DCAF4L1: variants seen among roughly 807,000 people sequenced by gnomAD.
DCAF4L1 encodes the protein DDB1 and CUL4 associated factor 4 like 1, also known as DDB1- and CUL4-associated factor 4-like protein 1.
DCAF4L1 carries 4 observed loss-of-function variants against 28.2 expected under a neutral mutation model. That is an observed-to-expected ratio of 0.14 (90% confidence interval 0.07 to 0.33). The LOEUF (loss-of-function observed/expected upper bound fraction) is 0.33. Among genes scored for constraint, DCAF4L1 ranks in the 10% least tolerant of loss-of-function variants. DCAF4L1 has a pLI of 1.00. For synonymous variants in DCAF4L1, 252 were observed against 212.1 expected, an observed-to-expected ratio of 1.19 and a Z score of -1.63; for missense variants, 331 against 506.1, an observed-to-expected ratio of 0.65 and a Z score of 3.32.
At position 41,983,445 on chromosome 4, in the gene DCAF4L1, GGA is replaced by G. The variant is rs1428281374; in HGVS notation, c.*466_*467del. On this transcript the variant is annotated 3_prime_UTR_variant, in exon 1 of 1. Coordinates refer to ENST00000333141, the MANE Select transcript of DCAF4L1 (RefSeq NM_001029955.4). ...GGAAGCCAGTGGGAGTGGAGACAAG[GGA>G]GAGGTAATTTCTCAGAGTCTCTACA... 1 of 168,074 alleles carries G rather than the reference GGA, an allele frequency of 5.9e-6. No individual in the cohort carries two copies. The highest frequency in any genetic ancestry group is 1.5e-5 in the Non-Finnish European group (1 of 68,962). 10.4% of individuals were successfully genotyped at this position (168,074 alleles called of 1,614,324 possible).
Position 41,983,079 on chromosome 4 carries a change from T to C in DCAF4L1, c.*96T>C, listed in dbSNP as rs1006890880. On this transcript the variant is annotated 3_prime_UTR_variant, in exon 1 of 1. Transcript: ENST00000333141. ...TGTGAGAGCATTTTAAGAGACGTGT[T>C]GTATATAGATCGCATCCATCCGGCT... 4 of 1,142,408 alleles carry C rather than the reference T, an allele frequency of 3.5e-6. No homozygotes were observed. In the Admixed American group the frequency reaches 8.1e-5, roughly 23 times the overall value. The allele number at this position is 1,142,408 out of a possible 1,614,324, so 70.8% of individuals were successfully genotyped here.
Position 41,983,034 on chromosome 4 carries a change from G to A in DCAF4L1, c.*51G>A, listed in dbSNP as rs1189660535. 3 of 1,486,914 alleles carry A rather than the reference G, an allele frequency of 2.0e-6. No homozygotes were observed. The highest frequency in any genetic ancestry group is 1.8e-6 in the Non-Finnish European group (2 of 1,094,384). The allele number at this position is 1,486,914 out of a possible 1,614,324, so 92.1% of individuals were successfully genotyped here. A position where few individuals can be genotyped will look rare whatever the true frequency, so the allele number is the denominator to read the frequency against. On this transcript the variant is annotated 3_prime_UTR_variant, in exon 1 of 1. Transcript: ENST00000333141. Reference sequence around the variant, plus strand: ...TGTGGATTTGACTTAAGGAAGTTAAGAGTATCTTATTACCGTTTCTGTGAG... The same window carrying A: ...TGTGGATTTGACTTAAGGAAGTTAAAAGTATCTTATTACCGTTTCTGTGAG...
Position 41,983,526 on chromosome 4 carries a change from A to T in DCAF4L1, c.*543A>T, listed in dbSNP as rs960992216. 2 of 167,544 alleles carry T rather than the reference A, an allele frequency of 1.2e-5. No homozygotes were observed. The highest frequency in any genetic ancestry group is 4.8e-5 in the African/African-American group (2 of 41,470). The allele number at this position is 167,544 out of a possible 1,614,324, so 10.4% of individuals were successfully genotyped here. The stretch of plus-strand genomic sequence containing the variant: ...ATTAAATTTGGCCTTCTCAAACTCA[A>T]TAGCAGATCTCTTAAGGTTCTCCTT... On this transcript the variant is annotated 3_prime_UTR_variant, in exon 1 of 1. Transcript: ENST00000333141.
Position 41,983,021 on chromosome 4 carries a change from T to C in DCAF4L1, c.*38T>C, listed in dbSNP as rs780150975. ...CAGCGCGGCCGAATGTGGATTTGAC[T>C]TAAGGAAGTTAAGAGTATCTTATTA... is the stretch of plus-strand genomic sequence containing the variant. On this transcript the variant is annotated 3_prime_UTR_variant, in exon 1 of 1. Transcript: ENST00000333141. The C allele has an allele frequency of 1.3e-6, 2 of 1,524,496 alleles. No homozygotes were observed. The highest frequency in any genetic ancestry group is 2.3e-5 in the East Asian group (1 of 44,362). 94.4% of individuals were successfully genotyped at this position (1,524,496 alleles called of 1,614,324 possible).
rs767429106 is a variant in DCAF4L1, at chr4:41,982,586, C to T, written c.794C>T (p.Thr265Ile). 1 of 1,614,236 alleles carries T rather than the reference C, an allele frequency of 6.2e-7. No homozygotes were observed. The highest frequency in any genetic ancestry group is 2.2e-5 in the East Asian group (1 of 44,892). The change falls in exon 1 of 1, where the codon ACT becomes ATT. Residue 265 changes from threonine to isoleucine, a missense_variant. Physicochemically the swap from Thr to Ile is moderately conservative, Grantham distance 89 (BLOSUM62 -1). Coordinates refer to ENST00000333141, the MANE Select transcript of DCAF4L1 (RefSeq NM_001029955.4). The surrounding 1 kb of genome is among the most constrained non-coding windows in gnomAD (Gnocchi z 4.4). ...AATCGAGGCAAGGGGTGGAGGGCCACTCGCCTGTTCCATGACTCAGCAGTG... is the reference window on the plus strand; with the variant it reads ...AATCGAGGCAAGGGGTGGAGGGCCATTCGCCTGTTCCATGACTCAGCAGTG... ...CRNRGKGWRA[T>I]RLFHDSAVTS...
chr4:41,983,090 C>G lies in DCAF4L1; in HGVS notation c.*107C>G. 1 of 950,190 alleles carries G rather than the reference C, an allele frequency of 1.1e-6. No homozygotes were observed. Among genetic ancestry groups the G allele is most frequent in the Non-Finnish European group, 1.6e-6 (1 of 638,538 alleles). The allele number at this position is 950,190 out of a possible 1,614,324, so 58.9% of individuals were successfully genotyped here. On this transcript the variant is annotated 3_prime_UTR_variant, in exon 1 of 1. Coordinates refer to ENST00000333141, the MANE Select transcript of DCAF4L1 (RefSeq NM_001029955.4). ...TTTAAGAGACGTGTTGTATATAGAT[C>G]GCATCCATCCGGCTGCCAGGGGTAA...
rs1714076268 is a variant in DCAF4L1 at position 41,984,088 on chromosome 4, G to A, written c.*1105G>A. ...AGGTAGAGTAGTACGTACCTCTGTA[G>A]AAAGAAAGGATTTTTTTTTCTTTTT... On this transcript the variant is annotated 3_prime_UTR_variant, in exon 1 of 1. Transcript: ENST00000333141. 6.2e-6 allele frequency: 1 copy of A among 162,430 alleles called. No homozygotes were observed. Among genetic ancestry groups the A allele is most frequent in the South Asian group, 2.1e-4 (1 of 4,802 alleles). 10.1% of individuals were successfully genotyped at this position (162,430 alleles called of 1,614,324 possible). A position where few individuals can be genotyped will look rare whatever the true frequency, so the allele number is the denominator to read the frequency against.
chr4:41,982,652 C>T lies in DCAF4L1; in HGVS notation c.860C>T (p.Ala287Val), dbSNP rs1714025255. ...CTCCAAGAAGAGCAATGCCTGATGG[C>T]ATCAGACATGACTGGAAAGATCAAG... ...QILQEEQCLM[A>V]SDMTGKIKLW... Residue 287 changes from alanine to valine, a missense_variant, in exon 1 of 1, where the codon GCA becomes GTA. Coordinates refer to ENST00000333141, the MANE Select transcript of DCAF4L1 (RefSeq NM_001029955.4). The surrounding 1 kb of genome is among the most constrained non-coding windows in gnomAD (Gnocchi z 4.4). The T allele has an allele frequency of 6.2e-7, 1 of 1,614,218 alleles. No individual in the cohort carries two copies. The highest frequency in any genetic ancestry group is 2.2e-5 in the East Asian group (1 of 44,888).
chr4:41,986,417 A>G lies in DCAF4L1; in HGVS notation c.*3434A>G, dbSNP rs1239347677. ...TAATTGTTAGAGCTATGCCCTTAAT[A>G]TATGTCTTGTGTGTATTATACTTCA... On this transcript the variant is annotated 3_prime_UTR_variant, in exon 1 of 1. Transcript: ENST00000333141. 2 of 166,930 alleles carry G rather than the reference A, an allele frequency of 1.2e-5. No homozygotes were observed. The highest frequency in any genetic ancestry group is 2.9e-5 in the Non-Finnish European group (2 of 68,120). The allele number at this position is 166,930 out of a possible 1,614,324, so 10.3% of individuals were successfully genotyped here.
chr4:41,982,904 G>T lies in DCAF4L1; in HGVS notation c.1112G>T (p.Arg371Leu). 6.2e-7 allele frequency: 1 copy of T among 1,614,194 alleles called. No homozygotes were observed. The highest frequency in any genetic ancestry group is 8.5e-7 in the Non-Finnish European group (1 of 1,180,042). Residue 371 changes from arginine (R) to leucine (L), a missense_variant, in exon 1 of 1, where the codon CGG becomes CTG. Coordinates refer to ENST00000333141, the MANE Select transcript of DCAF4L1 (RefSeq NM_001029955.4). The surrounding 1 kb of genome is among the most constrained non-coding windows in gnomAD (Gnocchi z 4.4). ...ATTCCCAGCGTGGCCTTCGCTTCTC[G>T]GCTCGGGGGCATCCGGGGAGCAGCA... ...DDIPSVAFAS[R>L]LGGIRGAAPG...
In DCAF4L1 at chr4:41,985,128, TACTG is replaced by T. The variant is rs1279823294; in HGVS notation, c.*2147_*2150del. On this transcript the variant is annotated 3_prime_UTR_variant, in exon 1 of 1. Transcript: ENST00000333141. Reference sequence around the variant, plus strand: ...TATATGTATATATATATATGTCTGATACTGATATGTCATTTATTTGGCAATTGAC... The same window carrying T: ...TATATGTATATATATATATGTCTGATATATGTCATTTATTTGGCAATTGAC... 3 of 166,254 alleles carry T rather than the reference TACTG, an allele frequency of 1.8e-5. No homozygotes were observed. The highest frequency in any genetic ancestry group is 1.9e-4 in the East Asian group (1 of 5,202). 10.3% of individuals were successfully genotyped at this position (166,254 alleles called of 1,614,324 possible). A position where few individuals can be genotyped will look rare whatever the true frequency, so the allele number is the denominator to read the frequency against.
Position 41,981,949 on chromosome 4 carries a change from T to C in DCAF4L1, c.157T>C (p.Cys53Arg). ...TTTAGCCAACGAGCTGCGTGTGAGC[T>C]GCATGGAGCGGAAAAAGGTCCAAAT... Reference protein sequence around the residue: ...SRLANELRVSCMERKKVQIRS... With the variant: ...SRLANELRVSRMERKKVQIRS... Residue 53 changes from cysteine (C) to arginine (R), a missense_variant, in exon 1 of 1, where the codon TGC becomes CGC. By Grantham distance (180) the Cys-to-Arg change is radical. Transcript: ENST00000333141. The C allele has an allele frequency of 6.2e-7, 1 of 1,614,246 alleles. No individual in the cohort carries two copies. The highest frequency in any genetic ancestry group is 8.5e-7 in the Non-Finnish European group (1 of 1,180,048).
rs1187405237 is a variant in DCAF4L1, at chr4:41,984,950, A to T, written c.*1967A>T. On this transcript the variant is annotated 3_prime_UTR_variant, in exon 1 of 1. Transcript: ENST00000333141. ...CTTGCTGTTGTTTCTTCAGTGTAAAATGTCTTAGATAATAAAACTAAATGA... is the reference window on the plus strand; with the variant it reads ...CTTGCTGTTGTTTCTTCAGTGTAAATTGTCTTAGATAATAAAACTAAATGA... 6.0e-6 allele frequency: 1 copy of T among 167,046 alleles called. No individual in the cohort carries two copies. The highest frequency in any genetic ancestry group is 2.4e-5 in the African/African-American group (1 of 41,428). The allele number at this position is 167,046 out of a possible 1,614,324, so 10.3% of individuals were successfully genotyped here.
Position 41,982,068 on chromosome 4 carries a change from C to A in DCAF4L1, c.276C>A (p.Val92=), listed in dbSNP as rs374696266. The A allele has an allele frequency of 1.2e-6, 2 of 1,614,054 alleles. No individual in the cohort carries two copies. Among genetic ancestry groups the A allele is most frequent in the Non-Finnish European group, 1.7e-6 (2 of 1,180,034 alleles). Residue 92 remains valine (V), a synonymous_variant, in exon 1 of 1, where the codon GTC becomes GTA. Transcript: ENST00000333141. The surrounding 1 kb of genome is among the most constrained non-coding windows in gnomAD (Gnocchi z 4.4). The part of the protein sequence containing the change: ...NSDQLFVVNQ[V]EVEGSKYGII... The stretch of plus-strand genomic sequence containing the variant: ...ACCAGCTCTTCGTAGTGAACCAGGT[C>A]GAAGTCGAAGGCTCCAAGTACGGCA...
rs774430183 is a variant in DCAF4L1, at chr4:41,982,096, A to G, written c.304A>G (p.Ile102Val). ...AGTCGAAGGCTCCAAGTACGGCATC[A>G]TCAGCCTGCGAACTCTGAAGATCCC... ...VEVEGSKYGI[I>V]SLRTLKIPSF... The change falls in exon 1 of 1, where the codon ATC (isoleucine) becomes GTC (valine). Residue 102 changes from isoleucine to valine, a missense_variant. Ile to Val is a conservative substitution (Grantham distance 29). Coordinates refer to ENST00000333141, the MANE Select transcript of DCAF4L1 (RefSeq NM_001029955.4). This position sits in a 1 kb window ranked among gnomAD's most constrained non-coding sequence, Gnocchi z 4.4. 3 of 1,614,214 alleles carry G rather than the reference A, an allele frequency of 1.9e-6. No homozygotes were observed. In the South Asian group the frequency reaches 3.3e-5, roughly 18 times the overall value.
rs1714151562 is a variant in DCAF4L1, at chr4:41,986,161, AC to A, written c.*3180del. On this transcript the variant is annotated 3_prime_UTR_variant, in exon 1 of 1. Coordinates refer to ENST00000333141, the MANE Select transcript of DCAF4L1 (RefSeq NM_001029955.4). ...ACCTCCATTTAACCCAAAGCAAAGG[AC>A]CTTGATCCCCTATATTGCCTGTGTT... The A allele has an allele frequency of 6.0e-6, 1 of 167,112 alleles. No homozygotes were observed. The highest frequency in any genetic ancestry group is 1.5e-5 in the Non-Finnish European group (1 of 68,144). The allele number at this position is 167,112 out of a possible 1,614,324, so 10.4% of individuals were successfully genotyped here. A position where few individuals can be genotyped will look rare whatever the true frequency, so the allele number is the denominator to read the frequency against.
chr4:41,985,416 G>A lies in DCAF4L1; in HGVS notation c.*2433G>A, dbSNP rs563349551. ...GTTAAAATAAAATAGATCAGGTGGA[G>A]TGACGTTGGGAATTAAAAGAGAAGC... On this transcript the variant is annotated 3_prime_UTR_variant, in exon 1 of 1. Transcript: ENST00000333141. The A allele has an allele frequency of 6.0e-6, 1 of 167,250 alleles. No homozygotes were observed. The highest frequency in any genetic ancestry group is 2.1e-4 in the South Asian group (1 of 4,828). The allele number at this position is 167,250 out of a possible 1,614,324, so 10.4% of individuals were successfully genotyped here.
chr4:41,981,992 CCT>C lies in DCAF4L1; in HGVS notation c.203_204del (p.Ser68PhefsTer7). 3.1e-6 allele frequency: 5 copies of C among 1,614,238 alleles called. No homozygotes were observed. Among genetic ancestry groups the C allele is most frequent in the Non-Finnish European group, 4.2e-6 (5 of 1,180,040 alleles). ...GTCCAAATTCGGAGCTTGGATCCCT[CCT>C]CTTTGGCGAGCGACCGATTTAACTT... On this transcript the variant is annotated frameshift_variant, in exon 1 of 1. Transcript: ENST00000333141. LOFTEE classifies it high-confidence loss of function.
Position 41,982,213 on chromosome 4 carries a change from C to A in DCAF4L1, c.421C>A (p.His141Asn). The change falls in exon 1 of 1, where the codon CAC (histidine) becomes AAC (asparagine). Residue 141 changes from histidine to asparagine, a missense_variant. Transcript: ENST00000333141. The surrounding 1 kb of genome is among the most constrained non-coding windows in gnomAD (Gnocchi z 4.4). ...CWASLNQLDS[H>N]VLLCFEGITD... Reference sequence around the variant, plus strand: ...GGCCTCGCTGAACCAGTTGGACTCTCACGTTCTGCTGTGCTTCGAGGGAAT... The same window carrying A: ...GGCCTCGCTGAACCAGTTGGACTCTAACGTTCTGCTGTGCTTCGAGGGAAT... 1 of 1,614,220 alleles carries A rather than the reference C, an allele frequency of 6.2e-7. No individual in the cohort carries two copies. Among genetic ancestry groups the A allele is most frequent in the Non-Finnish European group, 8.5e-7 (1 of 1,180,036 alleles).
Sources: gnomAD v4.1 joint callset for allele counts on GRCh38, gnomAD v4.1.1 for gene constraint, Gnocchi (gnomAD v3.1) non-coding constraint, MANE v1.5 for transcripts, NCBI Gene and HGNC (gene_info 2026-07-23, HGNC 2026-07-21) for gene names.